The following CCDC69 variants were observed in gnomAD, a reference collection of about 807,000 sequenced individuals.
CCDC69 encodes the protein coiled-coil domain containing 69, also known as coiled-coil domain-containing protein 69.
In CCDC69, 38 loss-of-function variants were observed where a neutral mutation model predicts 40.3. The observed-to-expected ratio is 0.94, with a 90% CI of 0.73 to 1.24. The LOEUF (loss-of-function observed/expected upper bound fraction) is 1.24, where lower values mean the gene tolerates loss of function less well. Among genes scored for constraint, CCDC69 ranks in the 50% most tolerant of loss-of-function variants. CCDC69 has a pLI of 0.00. For missense variants in CCDC69, 389 were observed against 357.9 expected, an observed-to-expected ratio of 1.09 and a Z score of -0.70; for synonymous variants, 141 against 138.9, an observed-to-expected ratio of 1.02 and a Z score of -0.11.
At position 151,182,093 on chromosome 5, in the gene CCDC69, G is replaced by A. The variant is rs545918003; in HGVS notation, c.*1344C>T. ...GCTTAGGGCCTGGGGCTGAAGCTGG[G>A]GACCTTGAGCAAGGCCCTTTGACTC... On this transcript the variant is annotated 3_prime_UTR_variant, in exon 9 of 9. Transcript: ENST00000355417. The A allele has an allele frequency of 6.6e-6, 1 of 152,244 alleles. No individual in the cohort carries two copies. Among genetic ancestry groups the A allele is most frequent in the African/African-American group, 2.4e-5 (1 of 41,444 alleles). 9.4% of individuals were successfully genotyped at this position (152,244 alleles called of 1,614,324 possible).
At chr5:151,198,145 T>C (rs1752724628) in intron 4 of CCDC69, among the ~76,000 whole-genome samples, 1 of 152,214 alleles carries the variant, frequency 6.6e-6, no homozygotes, top group South Asian at 2.1e-4. Flanking sequence ...TGTTCTAAAT[T>C]CTATCTCGGT....
At chr5:151,211,518 CTTT>C (rs774546814) in intron 1 of CCDC69, among the ~76,000 whole-genome samples, 1 of 108,766 alleles carries the variant, frequency 9.2e-6, no homozygotes. Flanking sequence ...TTTGCATCTG[CTTT>C]TTTTTTTTTT....
intron 1 of CCDC69, among the ~76,000 whole-genome samples, chr5:151,220,910 C>T (rs1175675832): frequency 1.3e-5 from 2 of 152,168 alleles, no homozygotes; most frequent in Non-Finnish European, 2.9e-5. Context: ...TCCTTGACCC[C>T]TACCCACTCT....
At chr5:151,194,561 A>G (rs1380890301) in intron 4 of CCDC69, among the ~76,000 whole-genome samples, 1 of 152,158 alleles carries the variant, frequency 6.6e-6, no homozygotes. Flanking sequence ...TGGGAGTGAT[A>G]AAACTGTTGT....
At chr5:151,223,830 C>T (rs2114009157) in intron 1 of CCDC69, 93 bp downstream of exon 1, 2 of 1,306,580 alleles carry the variant, frequency 1.5e-6, no homozygotes, top group Non-Finnish European at 1.1e-6. Context: ...CCGGGCCGAC[C>T]AGAGAGAGCC....
intron 3 of CCDC69, among the ~76,000 whole-genome samples, chr5:151,199,432 G>A (rs1278059375): frequency 1.3e-5 from 2 of 152,076 alleles, no homozygotes; most frequent in Admixed American, 6.6e-5. Context: ...TCTACCATCA[G>A]GTCCCAGATC....
chr5:151,209,149 T>C (rs1218949080), intron 1 of CCDC69, among the ~76,000 whole-genome samples: 1 of 152,232 alleles, frequency 6.6e-6, no homozygotes, highest in African/African-American at 2.4e-5. Context: ...ACCGTGTGAC[T>C]GTATGACCTC....
intron 1 of CCDC69, among the ~76,000 whole-genome samples, chr5:151,220,876 T>A (rs921294611): frequency 6.6e-6 from 1 of 152,034 alleles, no homozygotes; most frequent in Non-Finnish European, 1.5e-5. Context: ...CCACTGTGGC[T>A]GGCAACTCCC....
intron 6 of CCDC69, 132 bp from the exon 7 acceptor site, chr5:151,185,673 G>T: frequency 2.3e-6 from 2 of 882,916 alleles, no homozygotes; most frequent in Non-Finnish European, 3.6e-6. Context: ...TGTTTAATAT[G>T]CTTTATCTCC....
chr5:151,213,860 T>G (rs1407663208), intron 1 of CCDC69, among the ~76,000 whole-genome samples: 1 of 152,226 alleles, frequency 6.6e-6, no homozygotes, highest in African/African-American at 2.4e-5. Context: ...ACCCAGCTCC[T>G]CCGTGTCCCA....
rs1194979304 is a variant in CCDC69 at position 151,223,100 on chromosome 5, T to C, written c.48+823A>G. ...GAATTTGAGGGTCCTTCTTCCCCTC[T>C]GCCTCACAGTGTCCCCTGAGGAGGC... is the stretch of plus-strand genomic sequence containing the variant. On this transcript the variant is annotated intron_variant, in intron 1 of 8. Transcript: ENST00000355417. Among the ~76,000 whole-genome samples the C allele has an allele frequency of 1.3e-5, 2 of 152,210 alleles. 1 individual carries two copies. Among genetic ancestry groups the C allele is most frequent in the Admixed American group, 1.3e-4 (2 of 15,284 alleles).
At chr5:151,215,392 T>A (rs1753021902) in intron 1 of CCDC69, among the ~76,000 whole-genome samples, 1 of 152,202 alleles carries the variant, frequency 6.6e-6, no homozygotes, top group African/African-American at 2.4e-5. Flanking sequence ...TGCAATGGGA[T>A]ACGTAAGAGC....
chr5:151,214,203 A>C (rs527440202), intron 1 of CCDC69, among the ~76,000 whole-genome samples: 1 of 152,216 alleles, frequency 6.6e-6, no homozygotes, highest in Non-Finnish European at 1.5e-5. Context: ...CAAGGGGCTC[A>C]GGTCACACCC....
intron 2 of CCDC69, among the ~76,000 whole-genome samples, chr5:151,203,813 A>G (rs147113546): frequency 0.063 from 8,306 of 131,594 alleles, 360 homozygotes; most frequent in East Asian, 0.092. Context: ...TATAATATAT[A>G]TCGTATATAT....
rs1489340969 is a variant in CCDC69 at position 151,199,086 on chromosome 5, T to C, written c.232-2A>G. On this transcript the variant is annotated splice_acceptor_variant, in intron 3 of 8. Coordinates refer to ENST00000355417, the MANE Select transcript of CCDC69 (RefSeq NM_015621.3). LOFTEE classifies it high-confidence loss of function. ...CTCTAGCTCCCTTTCCTTCTCCACC[T>C]GGGGGCAGAGAGTCCCGGGCAGGAC... 1 of 1,612,788 alleles carries C rather than the reference T, an allele frequency of 6.2e-7. No individual in the cohort carries two copies. The highest frequency in any genetic ancestry group is 8.5e-7 in the Non-Finnish European group (1 of 1,179,238).
chr5:151,188,422 T>C (rs1225300145), intron 4 of CCDC69, among the ~76,000 whole-genome samples: 2 of 152,106 alleles, frequency 1.3e-5, no homozygotes, highest in African/African-American at 4.8e-5. Flanking sequence ...CTGGCCGACA[T>C]GGCAAAACTC....
chr5:151,217,988 GA>G (rs58734676), intron 1 of CCDC69, among the ~76,000 whole-genome samples: 28,669 of 151,682 alleles, frequency 0.19, 2,981 homozygotes, highest in African/African-American at 0.26. Flanking sequence ...TACACTCAGT[GA>G]AAAAAAACTC....
Position 151,224,062 on chromosome 5 carries a change from C to T in CCDC69, c.-92G>A, listed in dbSNP as rs977653475. ...GCCCCGCTGCCCGCTCCGCGCCCGC[C>T]GGCTGGGGCTGCCGGCGAGACCCTG... is the stretch of plus-strand genomic sequence containing the variant. On this transcript the variant is annotated 5_prime_UTR_variant, in exon 1 of 9. Transcript: ENST00000355417. 6 of 1,175,782 alleles carry T rather than the reference C, an allele frequency of 5.1e-6. No individual in the cohort carries two copies. The highest frequency in any genetic ancestry group is 1.2e-6 in the Non-Finnish European group (1 of 859,170). 72.8% of individuals were successfully genotyped at this position (1,175,782 alleles called of 1,614,324 possible). A position where few individuals can be genotyped will look rare whatever the true frequency, so the allele number is the denominator to read the frequency against.
intron 4 of CCDC69, among the ~76,000 whole-genome samples, chr5:151,195,381 G>A (rs1347255704): frequency 1.3e-5 from 2 of 152,124 alleles, no homozygotes; most frequent in Non-Finnish European, 2.9e-5. Context: ...AAGATTCAAG[G>A]AGGTTGAGTG....
Sources: gnomAD v4.1 joint callset for allele counts (sites outside exome capture counted in the v4.1 genomes callset) on GRCh38, gnomAD v4.1.1 for gene constraint, MANE v1.5 for transcripts, NCBI Gene and HGNC (gene_info 2026-07-23, HGNC 2026-07-21) for gene names.